Variants in E2F3 observed in about 807,000 individuals in gnomAD.
E2F3 encodes E2F transcription factor 3, also known as transcription factor E2F3.
E2F3 carries 11 observed loss-of-function variants against 44.4 expected under a neutral mutation model. That is an observed-to-expected ratio of 0.25 (90% CI 0.16 to 0.41). The LOEUF is 0.41. Ranked by LOEUF, E2F3 falls within the 10% of genes least tolerant of loss-of-function variation. The probability of loss-of-function intolerance (pLI) is 1.00; values close to 1 mark genes in which losing one functional copy is unlikely to be tolerated. For missense variants in E2F3, 487 were observed against 583.6 expected (o/e 0.83, Z 1.70); for synonymous variants, 249 against 253.0 (o/e 0.98, Z 0.15).
intron 1 of E2F3, among the ~76,000 whole-genome samples, chr6:20,449,286 G>A (rs1020893352): frequency 1.8e-4 from 28 of 152,068 alleles, no homozygotes; most frequent in Admixed American, 1.5e-3. Flanking sequence ...TGCCTACTAC[G>A]CCTTTTATAG....
chr6:20,476,752 T>A (rs1256218685), intron 1 of E2F3, among the ~76,000 whole-genome samples: 1 of 152,194 alleles, frequency 6.6e-6, no homozygotes, highest in East Asian at 1.9e-4. Flanking sequence ...TGTGCACAGA[T>A]GCGCTTAGAC....
chr6:20,453,447 C>G (rs1043061732), intron 1 of E2F3, among the ~76,000 whole-genome samples: 1 of 152,130 alleles, frequency 6.6e-6, no homozygotes, highest in Non-Finnish European at 1.5e-5. Context: ...TAGGCTCTCA[C>G]TCTGTTGCCC....
At chr6:20,413,774 C>G (rs1759751425) in intron 1 of E2F3, among the ~76,000 whole-genome samples, 1 of 152,140 alleles carries the variant, frequency 6.6e-6, no homozygotes, top group Non-Finnish European at 1.5e-5. Flanking sequence ...ATACGAGGAC[C>G]AGAGCACACC....
chr6:20,417,015 T>A (rs1759869758), intron 1 of E2F3, among the ~76,000 whole-genome samples: 1 of 152,202 alleles, frequency 6.6e-6, no homozygotes, highest in Non-Finnish European at 1.5e-5. Flanking sequence ...TACAAGGAAG[T>A]TGCTTTCCCC....
intron 1 of E2F3, among the ~76,000 whole-genome samples, chr6:20,411,722 G>A (rs1353322882): frequency 1.3e-5 from 2 of 152,092 alleles, no homozygotes; most frequent in Non-Finnish European, 2.9e-5. Context: ...CTGGCCCATT[G>A]AGGCCCACAT....
intron 1 of E2F3, among the ~76,000 whole-genome samples, chr6:20,424,069 C>T (rs1320696426): frequency 2.6e-5 from 4 of 152,168 alleles, no homozygotes; most frequent in African/African-American, 7.2e-5. Flanking sequence ...TGCACACAGC[C>T]GAAATTACAG....
In E2F3 at chr6:20,466,772, T is replaced by C. The variant is rs573351451; in HGVS notation, c.394-13074T>C. Among the ~76,000 whole-genome samples the C allele has an allele frequency of 2.2e-3, 332 of 149,506 alleles. 2 individuals carry two copies. Among genetic ancestry groups the C allele is most frequent in the African/African-American group, 7.9e-3 (321 of 40,482 alleles). On this transcript the variant is annotated intron_variant, in intron 1 of 6. Transcript: ENST00000346618. ...ATCTCTGCTCACTGCAATCTCCGCCTGCCGGGTTCAAGCAGTTCTCTGCCT... is the reference window on the plus strand; with the variant it reads ...ATCTCTGCTCACTGCAATCTCCGCCCGCCGGGTTCAAGCAGTTCTCTGCCT...
Position 20,402,760 on chromosome 6 carries a change from A to G in E2F3, c.393+135A>G, listed in dbSNP as rs1759350280. ...CGTGGGCCTCGGGGGCTGCCCCTCC[A>G]ACGAGGGTTCATTGTTAGACCTGAG... On this transcript the variant is annotated intron_variant, in intron 1 of 6. Transcript: ENST00000346618. The surrounding 1 kb of genome is among the most constrained non-coding windows in gnomAD (Gnocchi z 5.6). The G allele has an allele frequency of 4.0e-6, 5 of 1,243,650 alleles. No homozygotes were observed. The highest frequency in any genetic ancestry group is 5.0e-6 in the Non-Finnish European group (5 of 994,570). 77.0% of individuals were successfully genotyped at this position (1,243,650 alleles called of 1,614,324 possible).
intron 1 of E2F3, among the ~76,000 whole-genome samples, chr6:20,431,689 C>T (rs749714651): frequency 1.4e-4 from 22 of 152,122 alleles, no homozygotes; most frequent in Non-Finnish European, 2.8e-4. Context: ...TTCAATAATA[C>T]ACCCACCTCA....
At chr6:20,456,375 A>G (rs933513007) in intron 1 of E2F3, among the ~76,000 whole-genome samples, 2 of 152,138 alleles carry the variant, frequency 1.3e-5, no homozygotes, top group African/African-American at 4.8e-5. Flanking sequence ...TACAATGGAA[A>G]TAACACTCAT....
rs377691193 is a variant in E2F3, at chr6:20,482,959, T to C, written c.884+39T>C. 344 of 1,611,360 alleles carry C rather than the reference T, an allele frequency of 2.1e-4. 1 individual carries two copies. The African/African-American group carries it at 3.4e-3, about 16-fold the overall frequency. On this transcript the variant is annotated intron_variant, in intron 4 of 6. Transcript: ENST00000346618. Reference sequence around the variant, plus strand: ...CGCCAGTTCTCTGGGGGTTAGTGCTTCCTAGACTATTTCCAGAGTTGACAA... The same window carrying C: ...CGCCAGTTCTCTGGGGGTTAGTGCTCCCTAGACTATTTCCAGAGTTGACAA...
At chr6:20,481,177 C>G in intron 2 of E2F3, 29 bp from the exon 3 acceptor site, 1 of 1,607,030 alleles carries the variant, frequency 6.2e-7, no homozygotes, top group Non-Finnish European at 8.5e-7. Context: ...CCCTATCCCC[C>G]ACCCGCTCGG....
At chr6:20,449,782 C>G (rs1350019631) in intron 1 of E2F3, among the ~76,000 whole-genome samples, 1 of 152,142 alleles carries the variant, frequency 6.6e-6, no homozygotes, top group Non-Finnish European at 1.5e-5. Flanking sequence ...CACTCTCCAC[C>G]TTCTCTGGTA....
chr6:20,457,119 G>GA (rs770395085), intron 1 of E2F3, among the ~76,000 whole-genome samples: 12 of 152,060 alleles, frequency 7.9e-5, no homozygotes, highest in South Asian at 2.1e-4. Context: ...TTAGCCTAGG[G>GA]AAAAAATGTT....
intron 1 of E2F3, among the ~76,000 whole-genome samples, chr6:20,472,025 A>AACACACAC (rs57925127): frequency 0.1 from 13,788 of 138,276 alleles, 843 homozygotes; most frequent in South Asian, 0.12. Context: ...CCCCCCCTCC[A>AACACACAC]ACACACACAC....
chr6:20,439,201 AT>A lies in E2F3; in HGVS notation c.393+36582del, dbSNP rs563338589. ...TAAATAATGATTTTTGTTTGAAAAC[AT>A]TTTTTCTCTTGATTTTAGAACCATC... On this transcript the variant is annotated intron_variant, in intron 1 of 6. Coordinates refer to ENST00000346618, the MANE Select transcript of E2F3 (RefSeq NM_001949.5). Among the ~76,000 whole-genome samples the A allele has an allele frequency of 2.7e-3, 418 of 152,296 alleles. 5 individuals carry two copies. The highest frequency in any genetic ancestry group is 8.6e-3 in the African/African-American group (356 of 41,562).
intron 1 of E2F3, among the ~76,000 whole-genome samples, chr6:20,415,885 G>C (rs1023581860): frequency 6.6e-6 from 1 of 152,136 alleles, no homozygotes; most frequent in Non-Finnish European, 1.5e-5. Flanking sequence ...TGCAGTTCAG[G>C]GAAGGAAGTT....
chr6:20,465,844 T>G (rs1761684907), intron 1 of E2F3, among the ~76,000 whole-genome samples: 1 of 152,196 alleles, frequency 6.6e-6, no homozygotes, highest in Admixed American at 6.5e-5. Context: ...TATCCACTTG[T>G]TGATTGATGG....
At chr6:20,486,646 A>G in intron 4 of E2F3, 43 bp from the exon 5 acceptor site, 1 of 1,035,944 alleles carries the variant, frequency 9.7e-7, no homozygotes, top group Non-Finnish European at 1.5e-6. Context: ...CATCATACTT[A>G]TATCTGAGGT....
Sources: gnomAD v4.1 joint callset for allele counts (sites outside exome capture counted in the v4.1 genomes callset) on GRCh38, gnomAD v4.1.1 for gene constraint, Gnocchi (gnomAD v3.1) non-coding constraint, MANE v1.5 for transcripts, NCBI Gene and HGNC (gene_info 2026-07-23, HGNC 2026-07-21) for gene names.